NEK7: variants seen among roughly 807,000 people sequenced by gnomAD.
NEK7 encodes the protein serine/threonine-protein kinase Nek7.
A neutral mutation model predicts 44.6 loss-of-function variants in NEK7; 18 were observed. The observed-to-expected ratio is 0.40, with a 90% CI of 0.28 to 0.60. The LOEUF (loss-of-function observed/expected upper bound fraction) is 0.60. Ranked by LOEUF, NEK7 falls within the 20% of genes least tolerant of loss-of-function variation. The pLI is 0.38. For missense variants in NEK7, 256 were observed against 366.5 expected (o/e 0.70, Z 2.46); for synonymous variants, 130 against 121.1 (o/e 1.07, Z -0.48).
At chr1:198,315,109 G>A (rs1159244574) in intron 9 of NEK7, among the ~76,000 whole-genome samples, 9 of 152,324 alleles carry the variant, frequency 5.9e-5, no homozygotes, top group South Asian at 2.1e-4. Context: ...AGGACCCTCC[G>A]AGCCAGATGC....
chr1:198,317,299 G>A (rs1655397882), intron 9 of NEK7, among the ~76,000 whole-genome samples: 1 of 152,158 alleles, frequency 6.6e-6, no homozygotes, highest in Non-Finnish European at 1.5e-5. Context: ...CTGTCGCAAG[G>A]TCACCAATTG....
At chr1:198,231,269 A>ATG (rs1188829035) in intron 1 of NEK7, among the ~76,000 whole-genome samples, 4 of 140,786 alleles carry the variant, frequency 2.8e-5, no homozygotes, top group Admixed American at 2.2e-4. Context: ...AGATACCTAT[A>ATG]TGTGTGTGTG....
chr1:198,173,326 G>T (rs1346897707), intron 1 of NEK7, among the ~76,000 whole-genome samples: 1 of 151,944 alleles, frequency 6.6e-6, no homozygotes, highest in African/African-American at 2.4e-5. Context: ...CTTCTTGGGA[G>T]GCTGAGCTGG....
intron 1 of NEK7, among the ~76,000 whole-genome samples, chr1:198,195,546 C>T (rs1044646351): frequency 2.0e-5 from 3 of 152,152 alleles, no homozygotes; most frequent in Non-Finnish European, 2.9e-5. Flanking sequence ...ATGGGCCAGG[C>T]GTGGTGGCTC....
At chr1:198,244,211 G>T (rs1459511867) in intron 2 of NEK7, among the ~76,000 whole-genome samples, 2 of 151,926 alleles carry the variant, frequency 1.3e-5, no homozygotes, top group Admixed American at 6.6e-5. Flanking sequence ...CTTATTAATG[G>T]TGTTAATTAC....
chr1:198,209,478 A>G (rs1665702348), intron 1 of NEK7, among the ~76,000 whole-genome samples: 1 of 152,198 alleles, frequency 6.6e-6, no homozygotes, highest in Non-Finnish European at 1.5e-5. Flanking sequence ...GGCAAGGTAG[A>G]TAGCTTCAAC....
intron 9 of NEK7, among the ~76,000 whole-genome samples, chr1:198,316,178 G>T (rs1373954018): frequency 2.0e-5 from 3 of 152,180 alleles, no homozygotes; most frequent in Non-Finnish European, 2.9e-5. Flanking sequence ...ATTGGAAATG[G>T]TCTCAGTCAA....
chr1:198,292,760 A>G (rs1414851909), intron 7 of NEK7, among the ~76,000 whole-genome samples, 185 bp from the exon 8 acceptor site: 1 of 151,970 alleles, frequency 6.6e-6, no homozygotes. Flanking sequence ...TTGTTAGTGT[A>G]CTATTTAAGG....
At chr1:198,215,401 A>C (rs778030949) in intron 1 of NEK7, among the ~76,000 whole-genome samples, 2 of 152,192 alleles carry the variant, frequency 1.3e-5, no homozygotes, top group Non-Finnish European at 2.9e-5. Flanking sequence ...CATGCACTAC[A>C]TGTTGCCTAG....
At chr1:198,172,209 G>C (rs899957029) in intron 1 of NEK7, among the ~76,000 whole-genome samples, 6 of 152,150 alleles carry the variant, frequency 3.9e-5, no homozygotes, top group Non-Finnish European at 8.8e-5. Context: ...TTGGTGCTCT[G>C]AATAGACCAT....
At chr1:198,266,252 C>A (rs59104905) in intron 5 of NEK7, among the ~76,000 whole-genome samples, 1 of 152,150 alleles carries the variant, frequency 6.6e-6, no homozygotes, top group Admixed American at 6.6e-5. Context: ...TTGTCTATTT[C>A]TATTACATAG....
At chr1:198,268,212 A>G (rs960836073) in intron 5 of NEK7, among the ~76,000 whole-genome samples, 2 of 150,756 alleles carry the variant, frequency 1.3e-5, no homozygotes, top group African/African-American at 4.9e-5. Flanking sequence ...ATTACTCTCT[A>G]TACTCTTGTT....
chr1:198,308,015 T>G (rs540935205), intron 9 of NEK7, among the ~76,000 whole-genome samples: 1 of 152,284 alleles, frequency 6.6e-6, no homozygotes, highest in East Asian at 1.9e-4. Flanking sequence ...CTTTAATTTT[T>G]TAATTCATTC....
chr1:198,251,551 A>G (rs558715422), intron 2 of NEK7, among the ~76,000 whole-genome samples: 1 of 152,210 alleles, frequency 6.6e-6, no homozygotes, highest in African/African-American at 2.4e-5. Flanking sequence ...CCACAATTTC[A>G]GAGCTGTTAT....
chr1:198,157,789 A>C (rs1447927931), intron 1 of NEK7, among the ~76,000 whole-genome samples: 6 of 152,218 alleles, frequency 3.9e-5, no homozygotes. Context: ...AAGTGGCTTC[A>C]GAAGTACAGG....
chr1:198,306,755 T>A (rs886459340), intron 9 of NEK7, among the ~76,000 whole-genome samples: 9 of 152,136 alleles, frequency 5.9e-5, no homozygotes, highest in African/African-American at 2.2e-4. Context: ...AGTCTGTGGT[T>A]GTTTATAACA....
chr1:198,169,732 T>A (rs1179857095), intron 1 of NEK7, among the ~76,000 whole-genome samples: 1 of 152,212 alleles, frequency 6.6e-6, no homozygotes, highest in African/African-American at 2.4e-5. Context: ...AAGGCCCTGC[T>A]CAAGTACTAT....
chr1:198,258,228 CA>C lies in NEK7; in HGVS notation c.199-4345del, dbSNP rs577609639. On this transcript the variant is annotated intron_variant, in intron 3 of 9. Coordinates refer to ENST00000367385, the MANE Select transcript of NEK7 (RefSeq NM_133494.3). Reference sequence around the variant, plus strand: ...GGCTGAGGCGGGCAGATGACGAAGTCAAGAGATCAAGACCATCCTGGCCAAC... The same window carrying C: ...GGCTGAGGCGGGCAGATGACGAAGTCAGAGATCAAGACCATCCTGGCCAAC... 1.5e-3 allele frequency among the ~76,000 whole-genome samples: 221 copies of C among 152,256 alleles called. 2 individuals are homozygous for C. The highest frequency in any genetic ancestry group is 4.9e-3 in the African/African-American group (204 of 41,550).
In NEK7 at chr1:198,285,858, G is replaced by C. The variant is rs1654351660; in HGVS notation, c.589+6797G>C. On this transcript the variant is annotated intron_variant, in intron 7 of 9. Coordinates refer to ENST00000367385, the MANE Select transcript of NEK7 (RefSeq NM_133494.3). ...ACTTGTTTATTTTTGTGACATATTT[G>C]TAGCTATTGCAACCAAAGGGTAATT... 2.0e-5 allele frequency among the ~76,000 whole-genome samples: 3 copies of C among 151,902 alleles called. No individual in the cohort carries two copies. In the South Asian group the frequency reaches 6.2e-4, roughly 32 times the overall value.
Sources: allele counts gnomAD v4.1 joint callset (sites outside exome capture counted in the v4.1 genomes callset), GRCh38; gene constraint gnomAD v4.1.1; transcripts MANE v1.5; gene names NCBI Gene and HGNC (gene_info 2026-07-23, HGNC 2026-07-21).